CHL1: variants seen among roughly 807,000 people sequenced by gnomAD.
The protein encoded by CHL1 is neural cell adhesion molecule L1-like protein.
CHL1 carries 96 observed loss-of-function variants against 141.9 expected under a neutral mutation model. The ratio of observed to expected loss-of-function variants is 0.68; its 90% CI spans 0.57 to 0.80. The LOEUF is 0.80. CHL1 is among the 30% of genes least tolerant of loss of function. The pLI is 0.00. For synonymous variants in CHL1, 613 were observed against 502.2 expected (o/e 1.22, Z -2.95); for missense variants, 1,820 against 1,457.2 (o/e 1.25, Z -4.05).
At chr3:249,436 C>G (rs1693479096) in intron 2 of CHL1, among the ~76,000 whole-genome samples, 1 of 152,102 alleles carries the variant, frequency 6.6e-6, no homozygotes, top group South Asian at 2.1e-4. Flanking sequence ...CATGTCAAAG[C>G]TCACTAAGAA....
chr3:292,538 G>A (rs993536764), intron 2 of CHL1, among the ~76,000 whole-genome samples: 5 of 152,176 alleles, frequency 3.3e-5, no homozygotes, highest in African/African-American at 1.2e-4. Flanking sequence ...CACCACAGTA[G>A]GTAAATCTTA....
intron 2 of CHL1, among the ~76,000 whole-genome samples, chr3:300,988 A>T (rs183911345): frequency 6.6e-6 from 1 of 152,116 alleles, no homozygotes; most frequent in African/African-American, 2.4e-5. Flanking sequence ...GGGAAGAGAG[A>T]TGAGAGATGT....
intron 6 of CHL1, among the ~76,000 whole-genome samples, chr3:341,298 T>C (rs1041443596): frequency 2.0e-5 from 3 of 152,208 alleles, no homozygotes; most frequent in African/African-American, 7.2e-5. Flanking sequence ...TTGTAAAGTC[T>C]ACTTCTAGCA....
rs2272522 is a variant in CHL1 at position 319,825 on chromosome 3, C to T, written c.49C>T (p.Leu17Phe). ...GRGLIVYLMF[L>F]LLKFSKAIEI... Reference sequence around the variant, plus strand: ...AGGACTAATCGTATATCTAATGTTCCTCCTGTTAAAATTCTCAAAAGCAAT... The same window carrying T: ...AGGACTAATCGTATATCTAATGTTCTTCCTGTTAAAATTCTCAAAAGCAAT... Residue 17 changes from leucine to phenylalanine, a missense_variant, in exon 3 of 28, where the codon CTC becomes TTC. By Grantham distance (22) the Leu-to-Phe change is conservative (BLOSUM62 0). Coordinates refer to ENST00000256509, the MANE Select transcript of CHL1 (RefSeq NM_006614.4). The T allele has an allele frequency of 0.23, 369,859 of 1,599,498 alleles. 47,599 individuals carry two copies. Among genetic ancestry groups the T allele is most frequent in the African/African-American group, 0.52 (38,519 of 74,298 alleles).
In CHL1 at chr3:405,684, T is replaced by G. The variant is rs367962307; in HGVS notation, c.3648T>G (p.Ser1216=). Residue 1216 remains serine (S), a synonymous_variant, in exon 28 of 28, where the codon TCT becomes TCG. Coordinates refer to ENST00000256509, the MANE Select transcript of CHL1 (RefSeq NM_006614.4). ...GATCTGTTGAAAGCAATGGAAGTTC[T>G]ACAGCAACTTTTCCCCTTCGGGCAT... is the stretch of plus-strand genomic sequence containing the variant. ...EKGSVESNGS[S]TATFPLRA The G allele has an allele frequency of 4.5e-5, 72 of 1,613,134 alleles. No homozygotes were observed. The Admixed American group carries it at 1.2e-3, about 27-fold the overall frequency.
chr3:287,664 T>A (rs143395053), intron 2 of CHL1, among the ~76,000 whole-genome samples: 1 of 152,224 alleles, frequency 6.6e-6, no homozygotes, highest in Non-Finnish European at 1.5e-5. Context: ...AATTTACTGA[T>A]AGCATGCTAC....
Position 344,614 on chromosome 3 carries a change from C to G in CHL1, c.753C>G (p.Pro251=). 6.2e-7 allele frequency: 1 copy of G among 1,611,566 alleles called. No individual in the cohort carries two copies. Among genetic ancestry groups the G allele is most frequent in the East Asian group, 2.2e-5 (1 of 44,780 alleles). ...SKANSIKQRK[P]KLLLPPTESG... The stretch of plus-strand genomic sequence containing the variant: ...CAAATTCCATCAAGCAAAGAAAACC[C>G]AAACTGCTGTTGCCTCCCACTGAGA... Residue 251 remains proline (P), a synonymous_variant, in exon 9 of 28, where the codon CCC becomes CCG. Coordinates refer to ENST00000256509, the MANE Select transcript of CHL1 (RefSeq NM_006614.4).
chr3:363,052 C>T (rs182485325), intron 13 of CHL1, among the ~76,000 whole-genome samples, 165 bp from the exon 14 acceptor site: 2 of 152,158 alleles, frequency 1.3e-5, no homozygotes, highest in Non-Finnish European at 1.5e-5. Context: ...ATAAGATATA[C>T]AATCTTGGTC....
chr3:289,871 A>G, intron 2 of CHL1, among the ~76,000 whole-genome samples: 1 of 151,362 alleles, frequency 6.6e-6, no homozygotes, highest in Admixed American at 6.6e-5. Context: ...AGCATCAAAT[A>G]TACCAAAAAA....
In CHL1 at chr3:390,652, A is replaced by G. The variant is rs1431910706; in HGVS notation, c.2471-49A>G. The G allele has an allele frequency of 3.6e-6, 4 of 1,104,060 alleles. No homozygotes were observed. The South Asian group carries it at 5.2e-5, about 14-fold the overall frequency. 68.4% of individuals were successfully genotyped at this position (1,104,060 alleles called of 1,614,324 possible). ...AAAATTTTTGAAAAGGATCCTAACAATCACATTTGCAGGTTATTGAAAACT... is the reference window on the plus strand; with the variant it reads ...AAAATTTTTGAAAAGGATCCTAACAGTCACATTTGCAGGTTATTGAAAACT... On this transcript the variant is annotated intron_variant, in intron 20 of 27. Transcript: ENST00000256509.
intron 10 of CHL1, 127 bp downstream of exon 10, chr3:349,670 G>C: frequency 1.3e-6 from 1 of 768,786 alleles, no homozygotes; most frequent in South Asian, 1.9e-5. Flanking sequence ...TTGTAGTGCG[G>C]GCATTGAATT....
intron 10 of CHL1, among the ~76,000 whole-genome samples, chr3:350,735 A>G (rs1367295008): frequency 6.6e-6 from 1 of 152,196 alleles, no homozygotes; most frequent in Non-Finnish European, 1.5e-5. Flanking sequence ...ATTATTATTT[A>G]AGGTAGGAAG....
In CHL1 at chr3:390,952, C is replaced by T. The variant is rs776910233; in HGVS notation, c.2587-3C>T. On this transcript the variant is annotated splice_region_variant and splice_polypyrimidine_tract_variant and intron_variant, in intron 21 of 27. Coordinates refer to ENST00000256509, the MANE Select transcript of CHL1 (RefSeq NM_006614.4). Reference sequence around the variant, plus strand: ...TACTAAAAGATTTTGGTTTTCATTGCAGATAAATTGGTGGAAAACAAAAAG... The same window carrying T: ...TACTAAAAGATTTTGGTTTTCATTGTAGATAAATTGGTGGAAAACAAAAAG... 6.2e-7 allele frequency: 1 copy of T among 1,612,322 alleles called. No individual in the cohort carries two copies. Among genetic ancestry groups the T allele is most frequent in the Non-Finnish European group, 8.5e-7 (1 of 1,178,706 alleles).
At chr3:201,026 G>A (rs1022337367) in intron 1 of CHL1, among the ~76,000 whole-genome samples, 1 of 152,158 alleles carries the variant, frequency 6.6e-6, no homozygotes, top group African/African-American at 2.4e-5. Flanking sequence ...TGATCAAAAA[G>A]GATTTAAGTT....
chr3:221,628 A>G (rs531362855), intron 1 of CHL1, among the ~76,000 whole-genome samples: 35 of 152,370 alleles, frequency 2.3e-4, no homozygotes, highest in African/African-American at 7.7e-4. Flanking sequence ...GCAACACCTC[A>G]GTACTTAACA....
intron 5 of CHL1, among the ~76,000 whole-genome samples, chr3:338,735 G>A (rs188909145): frequency 3.3e-5 from 5 of 152,346 alleles, no homozygotes; most frequent in East Asian, 1.9e-4. Context: ...CGCGATAGCA[G>A]TTTTGGTAGA....
chr3:297,191 A>C (rs1698268738), intron 2 of CHL1, among the ~76,000 whole-genome samples: 1 of 152,114 alleles, frequency 6.6e-6, no homozygotes, highest in Non-Finnish European at 1.5e-5. Flanking sequence ...ACACTACTAC[A>C]CTTCAACCTG....
At chr3:242,396 A>C (rs188670945) in intron 1 of CHL1, among the ~76,000 whole-genome samples, 1 of 141,656 alleles carries the variant, frequency 7.1e-6, no homozygotes, top group African/African-American at 2.6e-5. Flanking sequence ...GGAGATCGAG[A>C]CCATCCTGGC....
In CHL1 at chr3:228,478, TACAC is replaced by T. The variant is rs4003420; in HGVS notation, c.-174-16113_-174-16110del. On this transcript the variant is annotated intron_variant, in intron 1 of 27. Transcript: ENST00000256509. ...TGCATACACTCAGTGTAAATATGTG[TACAC>T]ACACACACACACACACACACAGCAG... 2.8e-3 allele frequency among the ~76,000 whole-genome samples: 414 copies of T among 149,866 alleles called. 1 individual carries two copies. The highest frequency in any genetic ancestry group is 6.6e-3 in the African/African-American group (270 of 41,016).
Sources: gnomAD v4.1 joint callset for allele counts (sites outside exome capture counted in the v4.1 genomes callset) on GRCh38, gnomAD v4.1.1 for gene constraint, MANE v1.5 for transcripts, NCBI Gene and HGNC (gene_info 2026-07-23, HGNC 2026-07-21) for gene names.